The following PKNOX2 variants were observed in gnomAD, a reference collection of about 807,000 sequenced individuals.
PKNOX2 encodes the protein homeobox protein PKNOX2.
In PKNOX2, 14 loss-of-function variants were observed where a neutral mutation model predicts 53.1. The ratio of observed to expected loss-of-function variants is 0.26; its 90% CI spans 0.17 to 0.41. The LOEUF (loss-of-function observed/expected upper bound fraction) is 0.41. PKNOX2 is among the 10% of genes least tolerant of loss of function. The probability of loss-of-function intolerance (pLI) is 1.00; values close to 1 mark genes in which losing one functional copy is unlikely to be tolerated. For missense variants in PKNOX2, 496 were observed against 602.8 expected, an observed-to-expected ratio of 0.82 and a Z score of 1.85; for synonymous variants, 257 against 242.8, an observed-to-expected ratio of 1.06 and a Z score of -0.54.
intron 2 of PKNOX2, among the ~76,000 whole-genome samples, chr11:125,299,288 C>G (rs1057042642): frequency 6.6e-6 from 1 of 152,198 alleles, no homozygotes; most frequent in Non-Finnish European, 1.5e-5. Context: ...ACCTCCGACA[C>G]TGGGGTCACA....
rs150578099 is a variant in PKNOX2, at chr11:125,245,579, G to A, written c.-130+10464G>A. On this transcript the variant is annotated intron_variant, in intron 2 of 12. Coordinates refer to ENST00000298282, the MANE Select transcript of PKNOX2 (RefSeq NM_001382323.2). ...ATCCTCTGACCAGCATGCCCTGGCC[G>A]GGTTGTACAGAGGCCCTGGTCCTAG... Among the ~76,000 whole-genome samples, 1,473 of 152,322 alleles carry A rather than the reference G, an allele frequency of 9.7e-3. 8 individuals carry two copies. The highest frequency in any genetic ancestry group is 0.013 in the Non-Finnish European group (852 of 68,026).
At chr11:125,394,217 G>A (rs983030645) in intron 6 of PKNOX2, among the ~76,000 whole-genome samples, 6 of 152,270 alleles carry the variant, frequency 3.9e-5, no homozygotes, top group African/African-American at 9.6e-5. Context: ...CAAGATGTTC[G>A]TGGCCAAAGT....
intron 1 of PKNOX2, among the ~76,000 whole-genome samples, chr11:125,203,128 C>A (rs115595863): frequency 1.3e-5 from 2 of 152,190 alleles, no homozygotes; most frequent in Admixed American, 6.5e-5. Context: ...TAGGACCTCA[C>A]CTCTGGCCTC....
At chr11:125,261,819 T>C (rs957330488) in intron 2 of PKNOX2, among the ~76,000 whole-genome samples, 2 of 152,232 alleles carry the variant, frequency 1.3e-5, no homozygotes, top group Non-Finnish European at 2.9e-5. Flanking sequence ...AGACACCAAA[T>C]TTTTGTGAAA....
At chr11:125,381,168 G>A (rs192205671) in intron 5 of PKNOX2, among the ~76,000 whole-genome samples, 359 of 152,288 alleles carry the variant, frequency 2.4e-3, no homozygotes, top group Non-Finnish European at 4.2e-3. Context: ...GGAGCCACAG[G>A]CGCCCCGCTG....
At chr11:125,371,041 T>C (rs967289213) in intron 5 of PKNOX2, among the ~76,000 whole-genome samples, 1 of 152,102 alleles carries the variant, frequency 6.6e-6, no homozygotes, top group African/African-American at 2.4e-5. Context: ...GGAGGTTTTA[T>C]TTGTGTATGA....
chr11:125,337,155 T>A (rs1347518235), intron 3 of PKNOX2, among the ~76,000 whole-genome samples: 1 of 152,172 alleles, frequency 6.6e-6, no homozygotes, highest in Non-Finnish European at 1.5e-5. Context: ...TTTAAAAGCA[T>A]TAAAACCACT....
intron 8 of PKNOX2, 36 bp downstream of exon 8, chr11:125,410,361 T>G: frequency 6.2e-7 from 1 of 1,612,022 alleles, no homozygotes; most frequent in Non-Finnish European, 8.5e-7. Flanking sequence ...ATTGTGGGAA[T>G]TCCCTGGGAG....
At chr11:125,231,755 A>G (rs1942228082) in intron 1 of PKNOX2, among the ~76,000 whole-genome samples, 1 of 151,992 alleles carries the variant, frequency 6.6e-6, no homozygotes, top group Non-Finnish European at 1.5e-5. Context: ...GAGAGAGAAA[A>G]TGATGCTCCG....
Position 125,431,681 on chromosome 11 carries a change from T to G in PKNOX2, c.*289T>G. 2.3e-6 allele frequency: 1 copy of G among 443,222 alleles called. No homozygotes were observed. The allele number at this position is 443,222 out of a possible 1,614,324, so 27.5% of individuals were successfully genotyped here. ...AGGAGTGAGATCTGGACTCACCAAA[T>G]CCCTGAGGATAGATGGCACCCATGG... On this transcript the variant is annotated 3_prime_UTR_variant, in exon 13 of 13. Coordinates refer to ENST00000298282, the MANE Select transcript of PKNOX2 (RefSeq NM_001382323.2).
intron 11 of PKNOX2, among the ~76,000 whole-genome samples, chr11:125,429,615 C>T (rs1565524676): frequency 6.6e-6 from 1 of 152,142 alleles, no homozygotes; most frequent in Non-Finnish European, 1.5e-5. Context: ...GGAAGTAGAC[C>T]CCAGAGCTGA....
chr11:125,319,222 T>C (rs1427218796), intron 2 of PKNOX2, among the ~76,000 whole-genome samples: 2 of 152,214 alleles, frequency 1.3e-5, no homozygotes, highest in Admixed American at 6.5e-5. Flanking sequence ...ACACATGACA[T>C]TTATTGATTA....
intron 10 of PKNOX2, among the ~76,000 whole-genome samples, chr11:125,423,466 CT>C (rs1384774021): frequency 1.3e-5 from 2 of 152,194 alleles, no homozygotes; most frequent in Non-Finnish European, 2.9e-5. Flanking sequence ...ATCACTGATG[CT>C]TTCCCCACTC....
chr11:125,426,240 C>A (rs1956408437), intron 10 of PKNOX2, among the ~76,000 whole-genome samples: 1 of 152,250 alleles, frequency 6.6e-6, no homozygotes, highest in Admixed American at 6.5e-5. Flanking sequence ...CTGCCTGGAA[C>A]ATCATCCTCT....
At chr11:125,167,022 GC>G in intron 1 of PKNOX2, among the ~76,000 whole-genome samples, 1 of 152,046 alleles carries the variant, frequency 6.6e-6, no homozygotes. Context: ...GCCTTCGGAG[GC>G]CCCAGGACCT....
chr11:125,392,348 C>A (rs1204686010), intron 6 of PKNOX2, among the ~76,000 whole-genome samples: 1 of 152,242 alleles, frequency 6.6e-6, no homozygotes, highest in Non-Finnish European at 1.5e-5. Flanking sequence ...GGCTGCCTGA[C>A]AATGAACCCA....
chr11:125,175,770 T>C (rs991405830), intron 1 of PKNOX2, among the ~76,000 whole-genome samples: 3 of 152,164 alleles, frequency 2.0e-5, no homozygotes, highest in African/African-American at 7.2e-5. Flanking sequence ...ACTTTCCCCA[T>C]CAGTCAACTG....
At chr11:125,413,605 C>A (rs1236611120) in intron 10 of PKNOX2, among the ~76,000 whole-genome samples, 1 of 152,208 alleles carries the variant, frequency 6.6e-6, no homozygotes, top group Non-Finnish European at 1.5e-5. Context: ...CTAGAAAGCT[C>A]ATGGGCTTTT....
At chr11:125,312,446 G>A (rs1369761700) in intron 2 of PKNOX2, among the ~76,000 whole-genome samples, 8 of 152,188 alleles carry the variant, frequency 5.3e-5, no homozygotes, top group African/African-American at 1.2e-4. Context: ...CTGAGTTCAC[G>A]CTGAGCACCA....
Sources: allele counts gnomAD v4.1 joint callset (sites outside exome capture counted in the v4.1 genomes callset), GRCh38; gene constraint gnomAD v4.1.1; transcripts MANE v1.5; gene names NCBI Gene and HGNC (gene_info 2026-07-23, HGNC 2026-07-21).